OIP5: variants seen among roughly 807,000 people sequenced by gnomAD.
OIP5 encodes the protein protein Mis18-beta.
A neutral mutation model predicts 20.3 loss-of-function variants in OIP5; 24 were observed. The ratio of observed to expected loss-of-function variants is 1.18; its 90% CI spans 0.86 to 1.66. The LOEUF (loss-of-function observed/expected upper bound fraction) is 1.66, where lower values mean the gene tolerates loss of function less well. OIP5 is among the 40% of genes most tolerant of loss of function. The pLI, the probability that OIP5 is intolerant of heterozygous loss-of-function variation, is 0.00. For missense variants in OIP5, 339 were observed against 289.5 expected (o/e 1.17, Z -1.24); for synonymous variants, 143 against 121.3 (o/e 1.18, Z -1.17).
At chr15:41,332,107 G>T in intron 1 of OIP5, 126 bp from the exon 2 acceptor site, 1 of 1,334,686 alleles carries the variant, frequency 7.5e-7, no homozygotes, top group Non-Finnish European at 1.1e-6. Flanking sequence ...CCCATCCCCA[G>T]GCCAAGGAGT....
intron 2 of OIP5, among the ~76,000 whole-genome samples, chr15:41,321,962 AT>A (rs1367690663): frequency 4.6e-5 from 7 of 152,030 alleles, no homozygotes; most frequent in Non-Finnish European, 8.8e-5. Context: ...AAAGAAAAAA[AT>A]GCGCAGACTA....
intron 4 of OIP5, among the ~76,000 whole-genome samples, chr15:41,312,598 T>C (rs2140458258): frequency 6.6e-6 from 1 of 151,732 alleles, no homozygotes; most frequent in South Asian, 2.1e-4. Context: ...TAGCTGGGAT[T>C]ACAGGCGCCC....
intron 2 of OIP5, among the ~76,000 whole-genome samples, chr15:41,329,055 C>T (rs1205813056): frequency 9.2e-6 from 1 of 109,284 alleles, no homozygotes. Context: ...CAGAGCAAGA[C>T]TCCATCTCAA....
intron 4 of OIP5, among the ~76,000 whole-genome samples, chr15:41,311,128 T>C (rs967390740): frequency 6.6e-6 from 1 of 152,078 alleles, no homozygotes; most frequent in Non-Finnish European, 1.5e-5. Context: ...AGCAGTTTGG[T>C]AGGCCGAGGC....
At chr15:41,330,120 C>T (rs943124059) in intron 2 of OIP5, among the ~76,000 whole-genome samples, 2 of 151,822 alleles carry the variant, frequency 1.3e-5, no homozygotes, top group Admixed American at 6.6e-5. Flanking sequence ...GACAGAGTTT[C>T]GCTCTCGTTG....
chr15:41,319,398 G>C (rs2047808616), intron 3 of OIP5, among the ~76,000 whole-genome samples: 1 of 152,022 alleles, frequency 6.6e-6, no homozygotes, highest in African/African-American at 2.4e-5. Context: ...TGGGATTACA[G>C]GCGTCTACCA....
chr15:41,313,925 C>T (rs2140459021), intron 3 of OIP5, among the ~76,000 whole-genome samples: 1 of 151,962 alleles, frequency 6.6e-6, no homozygotes, highest in South Asian at 2.1e-4. Flanking sequence ...GGATCTCTGC[C>T]GCATCCCACC....
chr15:41,321,604 C>G (rs2047829172), intron 2 of OIP5, among the ~76,000 whole-genome samples: 1 of 150,818 alleles, frequency 6.6e-6, no homozygotes, highest in African/African-American at 2.4e-5. Flanking sequence ...CCTTGGGATC[C>G]TGTTGATCTA....
At chr15:41,319,861 C>A in intron 2 of OIP5, 81 bp from the exon 3 acceptor site, 4 of 1,161,542 alleles carry the variant, frequency 3.4e-6, no homozygotes, top group South Asian at 3.3e-5. Flanking sequence ...CTGAAGCATT[C>A]CTAACACCTA....
intron 3 of OIP5, 88 bp from the exon 4 acceptor site, chr15:41,313,442 C>A: frequency 1.4e-6 from 1 of 719,618 alleles, no homozygotes; most frequent in East Asian, 2.7e-5. Context: ...AAGTATGTGT[C>A]AAAAAAAGCC....
Position 41,309,783 on chromosome 15 carries a change from T to C in OIP5, c.661A>G (p.Thr221Ala). The change falls in exon 5 of 5, where the codon ACT becomes GCT. Residue 221 changes from threonine (T) to alanine (A), a missense_variant. Thr to Ala is a moderately conservative substitution (Grantham distance 58). Coordinates refer to ENST00000220514, the MANE Select transcript of OIP5 (RefSeq NM_007280.2). ...TTTTCTGGCTTGGACTGGTCAGGAG[T>C]CACTTCACTCAGAATCTTCATTAGT... ...KSLMKILSEV[T>A]PDQSKPEN 1 of 1,613,768 alleles carries C rather than the reference T, an allele frequency of 6.2e-7. No individual in the cohort carries two copies. Among genetic ancestry groups the C allele is most frequent in the South Asian group, 1.1e-5 (1 of 91,072 alleles).
Position 41,332,320 on chromosome 15 carries a change from G to A in OIP5, c.242C>T (p.Ala81Val), listed in dbSNP as rs757965756. 1.6e-5 allele frequency: 26 copies of A among 1,608,360 alleles called. No homozygotes were observed. In the Middle Eastern group the frequency reaches 6.6e-4, roughly 41 times the overall value. ...QPERCAVFQC[A>V]QCHAVLADSV... is the part of the protein sequence containing the mutation. ...GTCGGCGAGCACTGCGTGACACTGT[G>A]CGCACTGGAACACAGCGCACCTCTC... is the stretch of plus-strand genomic sequence containing the variant. The change falls in exon 1 of 5, where the codon GCA becomes GTA. Residue 81 changes from alanine to valine, a missense_variant. By Grantham distance (64) the Ala-to-Val change is moderately conservative. Coordinates refer to ENST00000220514, the MANE Select transcript of OIP5 (RefSeq NM_007280.2).
intron 2 of OIP5, among the ~76,000 whole-genome samples, chr15:41,321,536 G>T (rs1032586215): frequency 3.9e-5 from 6 of 152,216 alleles, no homozygotes; most frequent in Admixed American, 1.3e-4. Context: ...TGTCTGTGTA[G>T]AAAGAAGTAG....
intron 2 of OIP5, among the ~76,000 whole-genome samples, chr15:41,322,437 C>T (rs1043632616): frequency 1.3e-5 from 2 of 151,956 alleles, no homozygotes; most frequent in Middle Eastern, 3.4e-3. Context: ...CTTGCTCTGT[C>T]GCCCAGGTTA....
At chr15:41,319,293 G>A (rs1191324736) in intron 3 of OIP5, among the ~76,000 whole-genome samples, 1 of 150,932 alleles carries the variant, frequency 6.6e-6, no homozygotes, top group East Asian at 1.9e-4. Flanking sequence ...AGGCTGGAGT[G>A]CAGTGGCGTG....
At chr15:41,319,614 A>G (rs888884037) in intron 3 of OIP5, 44 bp downstream of exon 3, 2 of 1,557,990 alleles carry the variant, frequency 1.3e-6, no homozygotes, top group Non-Finnish European at 1.7e-6. Flanking sequence ...CTCAAAATAA[A>G]TAAAATAAAA....
intron 3 of OIP5, among the ~76,000 whole-genome samples, chr15:41,318,075 G>A (rs2047798986): frequency 6.6e-6 from 1 of 152,210 alleles, no homozygotes; most frequent in Non-Finnish European, 1.5e-5. Flanking sequence ...ATTAGAGGGA[G>A]AGAGAGGCTG....
At chr15:41,316,299 G>A (rs2047788329) in intron 3 of OIP5, among the ~76,000 whole-genome samples, 1 of 151,726 alleles carries the variant, frequency 6.6e-6, no homozygotes, top group Admixed American at 6.6e-5. Context: ...GTGACAGAGT[G>A]AGACTCCGTC....
chr15:41,319,571 A>G, intron 3 of OIP5, 87 bp downstream of exon 3: 1 of 1,414,310 alleles, frequency 7.1e-7, no homozygotes, highest in East Asian at 2.6e-5. Context: ...TCTTTCCTGA[A>G]AAACCTTTTA....
Sources: allele counts gnomAD v4.1 joint callset (sites outside exome capture counted in the v4.1 genomes callset), GRCh38; gene constraint gnomAD v4.1.1; transcripts MANE v1.5; gene names NCBI Gene and HGNC (gene_info 2026-07-23, HGNC 2026-07-21).